TRDN: variants seen among roughly 807,000 people sequenced by gnomAD.
TRDN encodes the protein triadin in skeletal muscle.
In TRDN, 161 loss-of-function variants were observed where a neutral mutation model predicts 149.7. The observed-to-expected ratio is 1.08, with a 90% confidence interval of 0.95 to 1.23. The LOEUF is 1.23. Ranked by LOEUF, TRDN falls within the 50% of genes most tolerant of loss-of-function variation. The pLI, the probability that TRDN is intolerant of heterozygous loss-of-function variation, is 0.00. For missense variants in TRDN, 896 were observed against 823.5 expected (o/e 1.09, Z -1.08); for synonymous variants, 294 against 250.5 (o/e 1.17, Z -1.64).
chr6:123,361,635 C>A (rs1221324424), intron 20 of TRDN, among the ~76,000 whole-genome samples: 1 of 152,160 alleles, frequency 6.6e-6, no homozygotes, highest in African/African-American at 2.4e-5. Flanking sequence ...TTCACTCCCT[C>A]TTTCCTCATT....
intron 38 of TRDN, among the ~76,000 whole-genome samples, chr6:123,246,388 T>C (rs1263977180): frequency 6.6e-6 from 1 of 151,958 alleles, no homozygotes; most frequent in Non-Finnish European, 1.5e-5. Flanking sequence ...CAATAAAAAA[T>C]GATAAAGGGG....
At chr6:123,460,830 C>A (rs13211510) in intron 10 of TRDN, among the ~76,000 whole-genome samples, 19,876 of 152,030 alleles carry the variant, frequency 0.13, 1,806 homozygotes, top group South Asian at 0.28. Context: ...TGTATCTATA[C>A]AAATTCAACT....
intron 24 of TRDN, among the ~76,000 whole-genome samples, chr6:123,305,678 T>C (rs910974876): frequency 6.6e-6 from 1 of 152,142 alleles, no homozygotes; most frequent in African/African-American, 2.4e-5. Context: ...CAAGATTCCT[T>C]ATTATTATGA....
chr6:123,535,400 C>A (rs1356458928), intron 4 of TRDN, among the ~76,000 whole-genome samples: 2 of 152,006 alleles, frequency 1.3e-5, no homozygotes, highest in Admixed American at 1.3e-4. Flanking sequence ...CTGACTTTCC[C>A]CTAACACTTT....
intron 1 of TRDN, among the ~76,000 whole-genome samples, chr6:123,612,171 G>A (rs896494466): frequency 4.9e-5 from 7 of 141,610 alleles, no homozygotes; most frequent in South Asian, 2.3e-4. Flanking sequence ...TGGGTGTATC[G>A]CCTGAGAGGT....
chr6:123,333,546 A>G (rs1260097506), intron 22 of TRDN, among the ~76,000 whole-genome samples: 1 of 152,074 alleles, frequency 6.6e-6, no homozygotes, highest in Admixed American at 6.6e-5. Context: ...CATCACTTGC[A>G]CTGACTTTCC....
chr6:123,295,562 A>C (rs1476289335), intron 24 of TRDN, among the ~76,000 whole-genome samples: 1 of 152,184 alleles, frequency 6.6e-6, no homozygotes, highest in African/African-American at 2.4e-5. Flanking sequence ...CTTATTACAA[A>C]ACAATGAAAA....
At chr6:123,456,480 T>C (rs767167071) in intron 10 of TRDN, among the ~76,000 whole-genome samples, 4 of 115,818 alleles carry the variant, frequency 3.5e-5, no homozygotes, top group South Asian at 3.9e-4. Flanking sequence ...TTTTTTTTTC[T>C]TTTTTTGAGA....
rs1775000715 is a variant in TRDN, at chr6:123,217,437, G to T, written c.*1164C>A. On this transcript the variant is annotated 3_prime_UTR_variant, in exon 41 of 41. Coordinates refer to ENST00000334268, the MANE Select transcript of TRDN (RefSeq NM_006073.4). ...CAGTTGCAATTGTAAACATGATAAA[G>T]GTCACAGAGGCATGACTTTTAGAGT... 1 of 151,824 alleles carries T rather than the reference G, an allele frequency of 6.6e-6. No individual in the cohort carries two copies. The highest frequency in any genetic ancestry group is 2.4e-5 in the African/African-American group (1 of 41,362). The allele number at this position is 151,824 out of a possible 1,614,324, so 9.4% of individuals were successfully genotyped here.
intron 1 of TRDN, among the ~76,000 whole-genome samples, chr6:123,611,310 C>T (rs886727576): frequency 1.1e-4 from 17 of 152,070 alleles, no homozygotes; most frequent in African/African-American, 4.1e-4. Context: ...AAAAATTACG[C>T]TATATTCACA....
chr6:123,444,505 C>G (rs200009237), intron 10 of TRDN, among the ~76,000 whole-genome samples: 1 of 150,526 alleles, frequency 6.6e-6, no homozygotes, highest in African/African-American at 2.5e-5. Context: ...AATTGAATAC[C>G]ATTTATTTCC....
intron 38 of TRDN, among the ~76,000 whole-genome samples, chr6:123,226,819 A>G (rs1775389700): frequency 6.6e-6 from 1 of 151,886 alleles, no homozygotes; most frequent in Non-Finnish European, 1.5e-5. Flanking sequence ...TGGCAGTGAA[A>G]GGAGTGTCAA....
chr6:123,221,627 ACAGGAGTTACC>A (rs1775151242), intron 39 of TRDN, 105 bp from the exon 40 acceptor site: 2 of 635,144 alleles, frequency 3.1e-6, no homozygotes. Flanking sequence ...TATGAAAGAA[ACAGGAGTTACC>A]CTTTTTATAG....
chr6:123,304,848 A>C (rs1277015065), intron 24 of TRDN, among the ~76,000 whole-genome samples: 1 of 152,156 alleles, frequency 6.6e-6, no homozygotes, highest in Non-Finnish European at 1.5e-5. Context: ...TGTTTTTATG[A>C]CTGTTATTTA....
At chr6:123,236,896 A>G (rs1775807737) in intron 38 of TRDN, among the ~76,000 whole-genome samples, 1 of 152,062 alleles carries the variant, frequency 6.6e-6, no homozygotes, top group South Asian at 2.1e-4. Context: ...GTTCTTTTAA[A>G]AAATGTTTTA....
intron 6 of TRDN, 35 bp downstream of exon 6, chr6:123,516,106 C>CA: frequency 7.0e-7 from 1 of 1,434,534 alleles, no homozygotes; most frequent in East Asian, 2.7e-5. Context: ...GGAAAGGACT[C>CA]AGTGTGTTAA....
chr6:123,348,895 C>T (rs1487097264), intron 21 of TRDN, among the ~76,000 whole-genome samples: 2 of 152,120 alleles, frequency 1.3e-5, no homozygotes, highest in Non-Finnish European at 2.9e-5. Context: ...AATTGACACA[C>T]ATTGCCCATT....
chr6:123,461,883 A>G (rs543873302), intron 10 of TRDN, among the ~76,000 whole-genome samples: 2 of 152,292 alleles, frequency 1.3e-5, no homozygotes, highest in East Asian at 3.9e-4. Context: ...CCAATTTTTG[A>G]AAGAAATGGA....
chr6:123,595,793 T>A (rs1242888075), intron 1 of TRDN, among the ~76,000 whole-genome samples: 1 of 152,088 alleles, frequency 6.6e-6, no homozygotes, highest in African/African-American at 2.4e-5. Context: ...ATCCCACCCA[T>A]TCAAGAAGGT....
Sources: allele counts gnomAD v4.1 joint callset (sites outside exome capture counted in the v4.1 genomes callset), GRCh38; gene constraint gnomAD v4.1.1; transcripts MANE v1.5; gene names NCBI Gene and HGNC (gene_info 2026-07-23, HGNC 2026-07-21).